VDAC1: variants seen among roughly 807,000 people sequenced by gnomAD.
The protein encoded by VDAC1 is voltage dependent anion channel 1.
VDAC1 carries 10 observed loss-of-function variants against 34.7 expected under a neutral mutation model. The observed-to-expected ratio is 0.29, with a 90% CI of 0.18 to 0.49. The LOEUF is 0.49. Ranked by LOEUF, VDAC1 falls within the 20% of genes least tolerant of loss-of-function variation. The pLI, the probability that VDAC1 is intolerant of heterozygous loss-of-function variation, is 0.99. For missense variants in VDAC1, 230 were observed against 347.9 expected (o/e 0.66, Z 2.69); for synonymous variants, 130 against 136.0 (o/e 0.96, Z 0.30).
chr5:134,016,239 C>T, the VDAC1 span, among the ~76,000 whole-genome samples: 4 of 152,014 alleles, frequency 2.6e-5, no homozygotes, highest in Non-Finnish European at 5.9e-5. Flanking sequence ...ACAGCAAACT[C>T]GGGCCCAGTG....
At chr5:134,068,966 CTGTGTGTGTGTGTGTGTGTGTG>C in the VDAC1 span, among the ~76,000 whole-genome samples, 1 of 136,610 alleles carries the variant, frequency 7.3e-6, no homozygotes, top group African/African-American at 2.8e-5. Flanking sequence ...TGGGAGGTGA[CTGTGTGTGTGTGTGTGTGTGTG>C]TGTGTGTGTG....
At chr5:134,106,535 G>A in the VDAC1 span, among the ~76,000 whole-genome samples, 1 of 151,898 alleles carries the variant, frequency 6.6e-6, no homozygotes, top group East Asian at 1.9e-4. Flanking sequence ...AGCCTCCCGA[G>A]TATCTGGGAT....
At chr5:134,103,197 C>T in the VDAC1 span, among the ~76,000 whole-genome samples, 1 of 152,162 alleles carries the variant, frequency 6.6e-6, no homozygotes, top group Non-Finnish European at 1.5e-5. Flanking sequence ...TCTCAGCTAA[C>T]TGTAGCCTCC....
the VDAC1 span, among the ~76,000 whole-genome samples, chr5:134,096,274 C>T: frequency 3.9e-5 from 6 of 152,232 alleles, no homozygotes; most frequent in Non-Finnish European, 7.3e-5. Context: ...GGAGGAGTTG[C>T]GCTCCTCTCT....
At chr5:134,094,627 G>A in the VDAC1 span, among the ~76,000 whole-genome samples, 1 of 150,288 alleles carries the variant, frequency 6.7e-6, no homozygotes. Flanking sequence ...AACCCGGGAG[G>A]CGGAGCTTGC....
intron 2 of VDAC1, among the ~76,000 whole-genome samples, chr5:133,992,559 C>G (rs558753211): frequency 8.5e-4 from 129 of 152,350 alleles, no homozygotes; most frequent in African/African-American, 3.0e-3. Flanking sequence ...GCACCCCCAC[C>G]TGGGTCCCAC....
At chr5:134,014,266 G>A in the VDAC1 span, among the ~76,000 whole-genome samples, 3 of 152,110 alleles carry the variant, frequency 2.0e-5, no homozygotes, top group Admixed American at 1.3e-4. Flanking sequence ...CTCCAGCCTG[G>A]ATGACAGAGT....
chr5:134,055,976 C>T, the VDAC1 span, among the ~76,000 whole-genome samples: 9 of 151,396 alleles, frequency 5.9e-5, no homozygotes, highest in East Asian at 1.6e-3. Context: ...CGGTGGCTCA[C>T]GCCTGTAATC....
chr5:133,985,625 G>A (rs1415405288), intron 5 of VDAC1, among the ~76,000 whole-genome samples: 1 of 152,166 alleles, frequency 6.6e-6, no homozygotes, highest in East Asian at 1.9e-4. Flanking sequence ...CTGCACTCCA[G>A]CCTGAGCGAC....
chr5:134,036,433 C>G, the VDAC1 span, among the ~76,000 whole-genome samples: 21 of 152,122 alleles, frequency 1.4e-4, no homozygotes, highest in Admixed American at 1.3e-3. Flanking sequence ...TCATGAAAGA[C>G]TGGGGAACTG....
chr5:133,990,541 G>A (rs1436246814), intron 5 of VDAC1, among the ~76,000 whole-genome samples: 2 of 152,190 alleles, frequency 1.3e-5, no homozygotes, highest in African/African-American at 2.4e-5. Context: ...GAGCTCCTTG[G>A]CGGGTAACAA....
the VDAC1 span, among the ~76,000 whole-genome samples, chr5:134,030,624 T>C: frequency 3.4e-5 from 5 of 146,484 alleles, no homozygotes; most frequent in Non-Finnish European, 1.5e-5. Flanking sequence ...TGAGATGGAG[T>C]CTCACTCTGT....
At chr5:134,035,426 T>A in the VDAC1 span, among the ~76,000 whole-genome samples, 1 of 152,090 alleles carries the variant, frequency 6.6e-6, no homozygotes, top group Admixed American at 6.6e-5. Flanking sequence ...AAATATACGT[T>A]TTGTAGAAAA....
the VDAC1 span, among the ~76,000 whole-genome samples, chr5:134,010,084 T>C: frequency 6.6e-6 from 1 of 152,194 alleles, no homozygotes; most frequent in Non-Finnish European, 1.5e-5. Context: ...ATGTGTAAAG[T>C]GATACAATCC....
intron 1 of VDAC1, among the ~76,000 whole-genome samples, chr5:133,998,673 T>C (rs1753426881): frequency 6.6e-6 from 1 of 152,198 alleles, no homozygotes; most frequent in African/African-American, 2.4e-5. Context: ...CAAGAACAGA[T>C]TTAAACTACA....
At position 133,976,271 on chromosome 5, in the gene VDAC1, C is replaced by T. The variant is rs1294868935; in HGVS notation, c.552-250G>A. On this transcript the variant is annotated intron_variant, in intron 6 of 8. Coordinates refer to ENST00000265333, the MANE Select transcript of VDAC1 (RefSeq NM_003374.3). Reference sequence around the variant, plus strand: ...CTGTAATCCCAGCACTTTGGGAGGCCGAGATGGGCAGATCACTTGAGGTCA... The same window carrying T: ...CTGTAATCCCAGCACTTTGGGAGGCTGAGATGGGCAGATCACTTGAGGTCA... 1.5e-5 allele frequency: 6 copies of T among 391,694 alleles called. No individual in the cohort carries two copies. In the East Asian group the frequency reaches 2.5e-4, roughly 16 times the overall value. The allele number at this position is 391,694 out of a possible 1,614,324, so 24.3% of individuals were successfully genotyped here. A position where few individuals can be genotyped will look rare whatever the true frequency, so the allele number is the denominator to read the frequency against.
chr5:134,055,799 A>G, the VDAC1 span, among the ~76,000 whole-genome samples: 1 of 151,928 alleles, frequency 6.6e-6, no homozygotes, highest in Admixed American at 6.6e-5. Flanking sequence ...TAGATTAAAA[A>G]GTGAAAGTCT....
the VDAC1 span, among the ~76,000 whole-genome samples, chr5:134,106,587 T>C: frequency 1.3e-5 from 2 of 152,058 alleles, no homozygotes; most frequent in South Asian, 4.2e-4. Context: ...TTTGTATTTT[T>C]AGTAGAGATG....
chr5:134,041,476 A>T, the VDAC1 span, among the ~76,000 whole-genome samples: 1 of 152,186 alleles, frequency 6.6e-6, no homozygotes, highest in Non-Finnish European at 1.5e-5. Flanking sequence ...CCAACGTCCT[A>T]GCAGAATATA....
Sources: gnomAD v4.1 joint callset for allele counts (sites outside exome capture counted in the v4.1 genomes callset) on GRCh38, gnomAD v4.1.1 for gene constraint, MANE v1.5 for transcripts, NCBI Gene and HGNC (gene_info 2026-07-23, HGNC 2026-07-21) for gene names.